The following FARS2 variants were observed in gnomAD, a reference collection of about 807,000 sequenced individuals.
The protein encoded by FARS2 is phenylalanine--tRNA ligase, mitochondrial.
FARS2 carries 40 observed loss-of-function variants against 46.4 expected under a neutral mutation model. The ratio of observed to expected loss-of-function variants is 0.86; its 90% CI spans 0.67 to 1.12. The LOEUF (loss-of-function observed/expected upper bound fraction) is 1.12. Among genes scored for constraint, FARS2 ranks in the 50% most tolerant of loss-of-function variants. The pLI is 0.00. For synonymous variants in FARS2, 234 were observed against 214.9 expected, an observed-to-expected ratio of 1.09 and a Z score of -0.78; for missense variants, 513 against 567.9, an observed-to-expected ratio of 0.90 and a Z score of 0.98.
intron 6 of FARS2, among the ~76,000 whole-genome samples, chr6:5,639,822 C>T (rs1390379409): frequency 6.6e-6 from 1 of 152,178 alleles, no homozygotes; most frequent in East Asian, 1.9e-4. Context: ...GTCCCTGTTG[C>T]TGCCTGTCAC....
intron 1 of FARS2, among the ~76,000 whole-genome samples, chr6:5,344,074 G>A (rs1757069629): frequency 6.6e-6 from 1 of 152,128 alleles, no homozygotes; most frequent in Admixed American, 6.5e-5. Flanking sequence ...CTTAGATTTT[G>A]GTTCACCGAA....
At chr6:5,473,458 T>G (rs1765916897) in intron 4 of FARS2, among the ~76,000 whole-genome samples, 1 of 146,792 alleles carries the variant, frequency 6.8e-6, no homozygotes, top group Non-Finnish European at 1.5e-5. Context: ...ACCCGGGAGA[T>G]GGAGCTTGCA....
At chr6:5,714,760 C>T (rs2150908360) in intron 6 of FARS2, among the ~76,000 whole-genome samples, 1 of 152,188 alleles carries the variant, frequency 6.6e-6, no homozygotes, top group South Asian at 2.1e-4. Context: ...CGCGGTGGCT[C>T]ATGCCTGTAA....
At chr6:5,402,796 ACAC>A (rs1306000663) in intron 2 of FARS2, among the ~76,000 whole-genome samples, 2 of 152,152 alleles carry the variant, frequency 1.3e-5, no homozygotes, top group Non-Finnish European at 2.9e-5. Flanking sequence ...GCATGCTTTT[ACAC>A]CACTTTTCTG....
At chr6:5,466,703 G>A (rs1765535072) in intron 4 of FARS2, 7 of 984,660 alleles carry the variant, frequency 7.1e-6, no homozygotes, top group Non-Finnish European at 8.4e-6. Context: ...GGATAAAAAT[G>A]CCTGTTTCCT....
At chr6:5,501,140 T>C (rs141131441) in intron 4 of FARS2, among the ~76,000 whole-genome samples, 2 of 152,058 alleles carry the variant, frequency 1.3e-5, no homozygotes, top group African/African-American at 4.8e-5. Flanking sequence ...ATGATATGAA[T>C]GAACATTGCC....
intron 1 of FARS2, among the ~76,000 whole-genome samples, chr6:5,306,433 TC>T (rs1334274192): frequency 6.6e-6 from 1 of 152,188 alleles, no homozygotes; most frequent in Non-Finnish European, 1.5e-5. Context: ...TCCTGCTCAT[TC>T]CATGGTGGCT....
intron 6 of FARS2, among the ~76,000 whole-genome samples, chr6:5,668,388 A>G (rs1778254586): frequency 6.6e-6 from 1 of 152,230 alleles, no homozygotes. Context: ...TGACTATTGG[A>G]CACCCAGCAC....
intron 6 of FARS2, among the ~76,000 whole-genome samples, chr6:5,725,661 C>CA (rs1216093378): frequency 1.3e-5 from 2 of 152,220 alleles, no homozygotes; most frequent in African/African-American, 4.8e-5. Flanking sequence ...TGGGGCCAGG[C>CA]ATGGTGGCTC....
intron 1 of FARS2, among the ~76,000 whole-genome samples, chr6:5,301,395 G>T (rs190715412): frequency 6.6e-6 from 1 of 152,272 alleles, no homozygotes. Context: ...AGGCTGCAGT[G>T]AGCTGTGATC....
intron 3 of FARS2, among the ~76,000 whole-genome samples, chr6:5,410,719 C>T (rs1761897905): frequency 6.6e-6 from 1 of 152,014 alleles, no homozygotes; most frequent in African/African-American, 2.4e-5. Context: ...TTTCTTTTGA[C>T]GTGCATCTAT....
At chr6:5,704,986 G>A (rs1019666701) in intron 6 of FARS2, among the ~76,000 whole-genome samples, 2 of 152,136 alleles carry the variant, frequency 1.3e-5, no homozygotes, top group African/African-American at 2.4e-5. Context: ...TGTGCTGTCT[G>A]GGCTGTCATT....
intron 1 of FARS2, among the ~76,000 whole-genome samples, chr6:5,320,417 T>G (rs1176142359): frequency 6.6e-6 from 1 of 152,216 alleles, no homozygotes. Flanking sequence ...CCCATTCAGT[T>G]GTTCTGTGCT....
Position 5,368,800 on chromosome 6 carries a change from A to T in FARS2, c.230A>T (p.Asn77Ile), listed in dbSNP as rs1758842999. 1 of 1,614,168 alleles carries T rather than the reference A, an allele frequency of 6.2e-7. No individual in the cohort carries two copies. Among genetic ancestry groups the T allele is most frequent in the Non-Finnish European group, 8.5e-7 (1 of 1,180,014 alleles). Residue 77 changes from asparagine to isoleucine, a missense_variant, in exon 2 of 7, where the codon AAC becomes ATC. Transcript: ENST00000274680. ...TRKVLTRVGR[N>I]LHNQQHHPLW... ...AAGGTCCTCACCAGAGTTGGCAGGA[A>T]CCTGCACAACCAGCAGCATCACCCT...
intron 6 of FARS2, among the ~76,000 whole-genome samples, chr6:5,673,623 C>T (rs1778597884): frequency 6.6e-6 from 1 of 152,088 alleles, no homozygotes; most frequent in Non-Finnish European, 1.5e-5. Context: ...GGGACAGATA[C>T]AAGAAACATG....
intron 2 of FARS2, among the ~76,000 whole-genome samples, chr6:5,375,428 T>A (rs940636547): frequency 1.3e-5 from 2 of 151,954 alleles, no homozygotes; most frequent in Non-Finnish European, 2.9e-5. Flanking sequence ...AAGGAGAGAT[T>A]TACCATATTT....
At chr6:5,661,073 G>A (rs908789250) in intron 6 of FARS2, among the ~76,000 whole-genome samples, 1 of 152,232 alleles carries the variant, frequency 6.6e-6, no homozygotes, top group African/African-American at 2.4e-5. Flanking sequence ...GCAACAAGTT[G>A]TTCCAACTGA....
At chr6:5,465,987 ACT>A (rs966098772) in intron 4 of FARS2, among the ~76,000 whole-genome samples, 1 of 151,680 alleles carries the variant, frequency 6.6e-6, no homozygotes, top group Non-Finnish European at 1.5e-5. Context: ...TACCTCAATA[ACT>A]CTGTGGTGTG....
chr6:5,734,599 A>G (rs911041169), intron 6 of FARS2, among the ~76,000 whole-genome samples: 4 of 152,224 alleles, frequency 2.6e-5, no homozygotes, highest in Non-Finnish European at 4.4e-5. Context: ...GAACACGTAC[A>G]TAGCACTTAA....
Sources: gnomAD v4.1 joint callset for allele counts (sites outside exome capture counted in the v4.1 genomes callset) on GRCh38, gnomAD v4.1.1 for gene constraint, MANE v1.5 for transcripts, NCBI Gene and HGNC (gene_info 2026-07-23, HGNC 2026-07-21) for gene names.